The following AKAP19 variants were observed in gnomAD, a reference collection of about 807,000 sequenced individuals.
AKAP19 encodes A-kinase anchoring protein 19, also known as small A-kinase anchoring protein.
chr2:190,100,509 A>G, the AKAP19 span, among the ~76,000 whole-genome samples: 1 of 152,214 alleles, frequency 6.6e-6, no homozygotes, highest in Non-Finnish European at 1.5e-5. Context: ...ATAGTCAAAC[A>G]TTGTAAATCA....
the AKAP19 span, among the ~76,000 whole-genome samples, chr2:189,882,562 G>A: frequency 6.6e-6 from 1 of 152,152 alleles, no homozygotes; most frequent in Non-Finnish European, 1.5e-5. Context: ...TCCTTGATCA[G>A]CCTTTCATTG....
chr2:189,967,482 A>G, the AKAP19 span, among the ~76,000 whole-genome samples: 1 of 152,204 alleles, frequency 6.6e-6, no homozygotes, highest in East Asian at 1.9e-4. Context: ...GCTAAAATAA[A>G]ATCACCACAA....
the AKAP19 span, among the ~76,000 whole-genome samples, chr2:189,971,913 T>G: frequency 6.6e-6 from 1 of 151,610 alleles, no homozygotes. Context: ...TTGCAAAAAT[T>G]TTCTCCCATT....
chr2:189,990,276 T>G, the AKAP19 span, among the ~76,000 whole-genome samples: 1 of 152,200 alleles, frequency 6.6e-6, no homozygotes, highest in African/African-American at 2.4e-5. Context: ...TAAATGCCCT[T>G]TATCAGATTG....
At chr2:190,142,252 T>C in the AKAP19 span, among the ~76,000 whole-genome samples, 1 of 152,216 alleles carries the variant, frequency 6.6e-6, no homozygotes, top group African/African-American at 2.4e-5. Context: ...CTTTAACTCT[T>C]TGTGGCACAG....
At chr2:190,116,079 C>G in the AKAP19 span, among the ~76,000 whole-genome samples, 1 of 152,206 alleles carries the variant, frequency 6.6e-6, no homozygotes, top group South Asian at 2.1e-4. Flanking sequence ...GAGGTATATT[C>G]TCACTCCGGC....
chr2:190,144,127 T>A, the AKAP19 span, among the ~76,000 whole-genome samples: 1 of 149,210 alleles, frequency 6.7e-6, no homozygotes, highest in African/African-American at 2.5e-5. Context: ...CATATGTAAC[T>A]AACCTGCACA....
the AKAP19 span, among the ~76,000 whole-genome samples, chr2:190,167,744 C>G: frequency 2.0e-5 from 3 of 152,206 alleles, no homozygotes; most frequent in Non-Finnish European, 2.9e-5. Flanking sequence ...TCCTTTGACT[C>G]CACGTCTCAC....
the AKAP19 span, among the ~76,000 whole-genome samples, chr2:189,912,343 C>T: frequency 9.2e-5 from 14 of 152,208 alleles, 1 homozygote; most frequent in South Asian, 6.2e-4. Context: ...GAGTTCGAGA[C>T]CAGCCTGGCC....
At chr2:189,887,371 C>CT in the AKAP19 span, among the ~76,000 whole-genome samples, 1 of 152,216 alleles carries the variant, frequency 6.6e-6, no homozygotes, top group African/African-American at 2.4e-5. Context: ...TTATTCCAGT[C>CT]TATCATTGAT....
the AKAP19 span, among the ~76,000 whole-genome samples, chr2:189,907,219 T>C: frequency 0.13 from 19,517 of 152,190 alleles, 1,594 homozygotes; most frequent in Middle Eastern, 0.2. Flanking sequence ...AAGTCTTACA[T>C]ATATATGGGT....
At chr2:190,028,892 A>G in the AKAP19 span, among the ~76,000 whole-genome samples, 10 of 152,314 alleles carry the variant, frequency 6.6e-5, no homozygotes, top group African/African-American at 2.4e-4. Flanking sequence ...TTCATTCTCT[A>G]TTGATAAAAT....
At chr2:189,930,283 AAGC>A in the AKAP19 span, 1 of 556,134 alleles carries the variant, frequency 1.8e-6, no homozygotes, top group Non-Finnish European at 2.7e-6. Context: ...TCTAGGTTGA[AAGC>A]AGTGCTGCAT....
At chr2:189,897,070 C>T in the AKAP19 span, among the ~76,000 whole-genome samples, 1 of 151,962 alleles carries the variant, frequency 6.6e-6, no homozygotes, top group South Asian at 2.1e-4. Flanking sequence ...GAATGTACTT[C>T]CTCTATGTTG....
the AKAP19 span, chr2:190,181,005 C>G: frequency 4.1e-6 from 4 of 985,542 alleles, no homozygotes; most frequent in Non-Finnish European, 4.8e-6. Context: ...CAGGGCTGCT[C>G]CGGGAGCTTC....
chr2:190,055,330 G>A, the AKAP19 span, among the ~76,000 whole-genome samples: 3 of 127,546 alleles, frequency 2.4e-5, no homozygotes, highest in Admixed American at 8.4e-5. Context: ...GGCCTGTTGT[G>A]GGGTGGGGGG....
chr2:189,957,888 G>C, the AKAP19 span, among the ~76,000 whole-genome samples: 1 of 152,132 alleles, frequency 6.6e-6, no homozygotes, highest in Non-Finnish European at 1.5e-5. Context: ...CCGCCTCCCA[G>C]GTTCAAGCAA....
chr2:189,944,202 G>A, the AKAP19 span, among the ~76,000 whole-genome samples: 1 of 152,128 alleles, frequency 6.6e-6, no homozygotes, highest in African/African-American at 2.4e-5. Flanking sequence ...CTGGAGCGGG[G>A]GCCTGGTGGT....
the AKAP19 span, among the ~76,000 whole-genome samples, chr2:190,177,378 C>T: frequency 6.6e-6 from 1 of 152,184 alleles, no homozygotes; most frequent in Admixed American, 6.5e-5. The surrounding 1 kb of genome is among the most constrained non-coding windows in gnomAD (Gnocchi z 4.6). Flanking sequence ...ACTATGCCAT[C>T]CCCCTCTCCA....
Sources: allele counts gnomAD v4.1 joint callset (sites outside exome capture counted in the v4.1 genomes callset), GRCh38; gene constraint gnomAD v4.1.1; non-coding constraint Gnocchi (gnomAD v3.1); transcripts MANE v1.5; gene names NCBI Gene and HGNC (gene_info 2026-07-23, HGNC 2026-07-21).